Variants in LAMC1 observed in about 807,000 individuals in gnomAD.
The protein encoded by LAMC1 is laminin subunit gamma 1.
LAMC1 carries 38 observed loss-of-function variants against 173.6 expected under a neutral mutation model. That is an observed-to-expected ratio of 0.22 (90% CI 0.17 to 0.29). The LOEUF is 0.29. LAMC1 is among the 10% of genes least tolerant of loss of function. LAMC1 has a pLI of 1.00. For missense variants in LAMC1, 1,824 were observed against 2,051.8 expected, an observed-to-expected ratio of 0.89 and a Z score of 2.14; for synonymous variants, 746 against 749.1, an observed-to-expected ratio of 1.00 and a Z score of 0.07.
Position 183,135,160 on chromosome 1 carries a change from G to GA in LAMC1, c.4114+8dup. 6.3e-7 allele frequency: 1 copy of GA among 1,585,544 alleles called. No individual in the cohort carries two copies. The highest frequency in any genetic ancestry group is 8.7e-7 in the Non-Finnish European group (1 of 1,154,598). On this transcript the variant is annotated splice_donor_region_variant and intron_variant, in intron 24 of 27. Transcript: ENST00000258341. ...GACATTCTCAACAACCTGAAAGGTA[G>GA]AAAAGGCTGAGATAACAGGGGCAAA... is the stretch of plus-strand genomic sequence containing the variant.
intron 17 of LAMC1, among the ~76,000 whole-genome samples, chr1:183,128,039 G>A (rs1656668218): frequency 6.6e-6 from 1 of 152,144 alleles, no homozygotes; most frequent in Non-Finnish European, 1.5e-5. Context: ...ATGCGTGTTT[G>A]GGGACAGGAT....
At chr1:183,046,365 GT>G (rs1213083345) in intron 1 of LAMC1, among the ~76,000 whole-genome samples, 1 of 152,028 alleles carries the variant, frequency 6.6e-6, no homozygotes, top group Non-Finnish European at 1.5e-5. Context: ...AAGTTCCTCA[GT>G]AAGCTGTTTG....
Position 183,117,397 on chromosome 1 carries a change from G to A in LAMC1, c.1642G>A (p.Ala548Thr), listed in dbSNP as rs367913199. Reference protein sequence around the residue: ...LEWSSERQDIAVISDSYFPRY... With the variant: ...LEWSSERQDITVISDSYFPRY... The stretch of plus-strand genomic sequence containing the variant: ...GTGGTCCTCTGAGAGGCAAGATATC[G>A]CCGTGATCTCAGACAGCTACTTTCC... Residue 548 changes from alanine (A) to threonine (T), a missense_variant, in exon 9 of 28, where the codon GCC becomes ACC. Transcript: ENST00000258341. 220 of 1,613,742 alleles carry A rather than the reference G, an allele frequency of 1.4e-4. No individual in the cohort carries two copies. The highest frequency in any genetic ancestry group is 1.6e-4 in the Non-Finnish European group (193 of 1,179,762).
chr1:183,117,536 A>G lies in LAMC1; in HGVS notation c.1690A>G (p.Lys564Glu), dbSNP rs1169931153. 9 of 1,613,640 alleles carry G rather than the reference A, an allele frequency of 5.6e-6. No homozygotes were observed. The African/African-American group carries it at 9.3e-5, about 17-fold the overall frequency. ...YFPRYFIAPA[K>E]FLGKQVLSYG... ...CCACCATTGTGTCTGTATTCCAGCA[A>G]AGTTCTTGGGCAAGCAGGTGTTGAG... The change falls in exon 10 of 28, where the codon AAG (lysine) becomes GAG (glutamate). Residue 564 changes from lysine (K) to glutamate (E), a missense_variant and splice_region_variant. By Grantham distance (56) the Lys-to-Glu change is moderately conservative. Transcript: ENST00000258341.
intron 4 of LAMC1, among the ~76,000 whole-genome samples, chr1:183,113,706 C>T (rs1656233481): frequency 6.6e-6 from 1 of 152,080 alleles, no homozygotes; most frequent in African/African-American, 2.4e-5. Flanking sequence ...CTAATTTTGA[C>T]CCATATGTCT....
intron 23 of LAMC1, 48 bp from the exon 24 acceptor site, chr1:183,134,994 A>G: frequency 6.7e-7 from 1 of 1,491,384 alleles, no homozygotes; most frequent in Admixed American, 1.7e-5. Context: ...AGGAGACAGA[A>G]GGGATTTGCT....
chr1:183,099,822 C>G (rs1002531564), intron 1 of LAMC1, among the ~76,000 whole-genome samples: 2 of 152,152 alleles, frequency 1.3e-5, no homozygotes, highest in East Asian at 1.9e-4. Flanking sequence ...ACATCCAGCT[C>G]CCTACAGACA....
chr1:183,037,387 G>A lies in LAMC1; in HGVS notation c.418+13253G>A, dbSNP rs1654010467. ...CTTTATCTGACATTATTAAAGATAA[G>A]GCTGCCTGGTCTGTCTTCACATTCT... On this transcript the variant is annotated intron_variant, in intron 1 of 27. Transcript: ENST00000258341. 2.6e-5 allele frequency among the ~76,000 whole-genome samples: 4 copies of A among 152,152 alleles called. No individual in the cohort carries two copies. In the South Asian group the frequency reaches 8.3e-4, roughly 32 times the overall value.
intron 1 of LAMC1, among the ~76,000 whole-genome samples, chr1:183,065,962 A>G (rs1388349214): frequency 6.6e-6 from 1 of 152,222 alleles, no homozygotes; most frequent in Non-Finnish European, 1.5e-5. Context: ...TTATCAAGCT[A>G]CTTTAATAAG....
chr1:183,115,674 T>G (rs767211304), intron 6 of LAMC1, 37 bp downstream of exon 6: 3 of 1,301,502 alleles, frequency 2.3e-6, no homozygotes, highest in Non-Finnish European at 2.2e-6. Context: ...GGGGGCAGAA[T>G]CTATATATAG....
chr1:183,130,544 A>T lies in LAMC1; in HGVS notation c.3481A>T (p.Asn1161Tyr). Reference protein sequence around the residue: ...ELEKAKVAAANVSVTQPESTG... With the variant: ...ELEKAKVAAAYVSVTQPESTG... Reference sequence around the variant, plus strand: ...TGAGAAAGCAAAAGTCGCTGCTGCCAATGTGGTAAGTGATTGCAAACGTCT... The same window carrying T: ...TGAGAAAGCAAAAGTCGCTGCTGCCTATGTGGTAAGTGATTGCAAACGTCT... The change falls in exon 19 of 28, where the codon AAT becomes TAT. Residue 1161 changes from asparagine (N) to tyrosine (Y), a missense_variant. Coordinates refer to ENST00000258341, the MANE Select transcript of LAMC1 (RefSeq NM_002293.4). 6.2e-7 allele frequency: 1 copy of T among 1,614,018 alleles called. No individual in the cohort carries two copies. Among genetic ancestry groups the T allele is most frequent in the Non-Finnish European group, 8.5e-7 (1 of 1,179,860 alleles).
chr1:183,090,409 G>A (rs1262169153), intron 1 of LAMC1, among the ~76,000 whole-genome samples: 1 of 152,200 alleles, frequency 6.6e-6, no homozygotes, highest in Non-Finnish European at 1.5e-5. Flanking sequence ...GGTTTCTAAA[G>A]GAAAGTGTGT....
intron 24 of LAMC1, among the ~76,000 whole-genome samples, chr1:183,135,946 C>A (rs530143881): frequency 8.6e-5 from 13 of 151,230 alleles, no homozygotes; most frequent in Admixed American, 5.9e-4. Context: ...TGTCAGTGGG[C>A]CTTGGTTCAA....
rs758755117 is a variant in LAMC1, at chr1:183,137,720, G to A, written c.4366G>A (p.Asp1456Asn). The A allele has an allele frequency of 6.2e-6, 10 of 1,608,686 alleles. No individual in the cohort carries two copies. In the East Asian group the frequency reaches 1.3e-4, roughly 22 times the overall value. ...EAERTFAEVT[D>N]LDNEVNNMLK... ...TGAAAGAACTTTTGCAGAAGTTACA[G>A]ATCTGGATAATGAGGTGAACAATAT... is the stretch of plus-strand genomic sequence containing the variant. Residue 1456 changes from aspartate (D) to asparagine (N), a missense_variant, in exon 26 of 28, where the codon GAT (aspartate) becomes AAT (asparagine). Coordinates refer to ENST00000258341, the MANE Select transcript of LAMC1 (RefSeq NM_002293.4).
chr1:183,107,553 A>G (rs540632430), intron 2 of LAMC1, among the ~76,000 whole-genome samples: 4 of 152,302 alleles, frequency 2.6e-5, no homozygotes, highest in South Asian at 4.1e-4. Flanking sequence ...AGGGGTGGCC[A>G]GGCGTGGTGG....
At chr1:183,117,472 G>T in intron 9 of LAMC1, 30 bp downstream of exon 9, 1 of 1,610,762 alleles carries the variant, frequency 6.2e-7, no homozygotes, top group Non-Finnish European at 8.5e-7. Context: ...AGTCTGACCT[G>T]CTGTGTGCCT....
At chr1:183,031,087 A>G (rs575841599) in intron 1 of LAMC1, among the ~76,000 whole-genome samples, 1 of 152,344 alleles carries the variant, frequency 6.6e-6, no homozygotes, top group Admixed American at 6.5e-5. Context: ...AAAGGTTACA[A>G]TGAAATATTT....
intron 17 of LAMC1, among the ~76,000 whole-genome samples, chr1:183,128,381 T>C (rs1253282541): frequency 6.6e-6 from 1 of 151,786 alleles, no homozygotes; most frequent in African/African-American, 2.4e-5. Flanking sequence ...TACATATTCA[T>C]GCAGCACACC....
chr1:183,103,350 T>A lies in LAMC1; in HGVS notation c.441T>A (p.Tyr147Ter). The change falls in exon 2 of 28, where the codon TAT becomes TAA. Residue 147 changes from tyrosine (Y) to a stop codon, truncating the protein, a stop_gained. Coordinates refer to ENST00000258341, the MANE Select transcript of LAMC1 (RefSeq NM_002293.4). LOFTEE classifies it high-confidence loss of function. ...LHLGKAFDIT[Y>*]VRLKFHTSRP... ...CAGGAAAAGCTTTTGACATCACCTA[T>A]GTGCGTCTCAAGTTCCACACCAGCC... 1 of 1,614,112 alleles carries A rather than the reference T, an allele frequency of 6.2e-7. No individual in the cohort carries two copies. The highest frequency in any genetic ancestry group is 8.5e-7 in the Non-Finnish European group (1 of 1,179,978).
Sources: allele counts gnomAD v4.1 joint callset (sites outside exome capture counted in the v4.1 genomes callset), GRCh38; gene constraint gnomAD v4.1.1; transcripts MANE v1.5; gene names NCBI Gene and HGNC (gene_info 2026-07-23, HGNC 2026-07-21).